GABRG3: variants seen among roughly 807,000 people sequenced by gnomAD.
GABRG3 encodes gamma-aminobutyric acid type A receptor subunit gamma3, also known as gamma-aminobutyric acid receptor subunit gamma-3.
Under a neutral mutation model 48.8 loss-of-function variants are expected in GABRG3, and 25 were observed. The observed-to-expected ratio is 0.51, with a 90% CI of 0.37 to 0.72. GABRG3 has a LOEUF of 0.72. GABRG3 is among the 30% of genes least tolerant of loss of function. The pLI, the probability that GABRG3 is intolerant of heterozygous loss-of-function variation, is 0.00. For missense variants in GABRG3, 394 were observed against 577.9 expected (o/e 0.68, Z 3.26); for synonymous variants, 227 against 217.6 (o/e 1.04, Z -0.38).
At chr15:27,286,135 A>T (rs1891603647) in intron 3 of GABRG3, among the ~76,000 whole-genome samples, 1 of 152,208 alleles carries the variant, frequency 6.6e-6, no homozygotes, top group Non-Finnish European at 1.5e-5. Context: ...TTCAACTTTC[A>T]TTCACTCATC....
chr15:27,383,186 G>T (rs1379245757), intron 5 of GABRG3, among the ~76,000 whole-genome samples: 2 of 152,162 alleles, frequency 1.3e-5, no homozygotes. Flanking sequence ...CTGTCTTTAA[G>T]ATCTTTCTTA....
At chr15:27,155,915 T>A (rs1898411697) in intron 3 of GABRG3, among the ~76,000 whole-genome samples, 1 of 152,120 alleles carries the variant, frequency 6.6e-6, no homozygotes, top group African/African-American at 2.4e-5. Context: ...AGGGTAGAAT[T>A]CAGGGCTCCT....
chr15:26,991,014 A>G (rs1490077369), intron 2 of GABRG3, among the ~76,000 whole-genome samples: 1 of 152,026 alleles, frequency 6.6e-6, no homozygotes, highest in East Asian at 1.9e-4. Context: ...CATGTTGGCC[A>G]AGCTGTTCTT....
intron 5 of GABRG3, among the ~76,000 whole-genome samples, chr15:27,387,803 AGGAG>A (rs369144529): frequency 0.037 from 3,310 of 88,332 alleles, 454 homozygotes; most frequent in African/African-American, 0.17. Context: ...CTGAGAAAGA[AGGAG>A]GGAGGGAGGG....
Position 27,422,998 on chromosome 15 carries a change from A to G in GABRG3, c.575-57652A>G, listed in dbSNP as rs892413435. The stretch of plus-strand genomic sequence containing the variant: ...CACACAGGAGTGCTTTCTCTCTTGC[A>G]TGAGTTAAATGTCTCTGCTCAGGGA... On this transcript the variant is annotated intron_variant, in intron 5 of 9. Transcript: ENST00000615808. 8.5e-5 allele frequency among the ~76,000 whole-genome samples: 13 copies of G among 152,094 alleles called. 1 individual carries two copies. The highest frequency in any genetic ancestry group is 2.9e-4 in the African/African-American group (12 of 41,412).
At chr15:27,279,378 A>G (rs1295616020) in intron 3 of GABRG3, among the ~76,000 whole-genome samples, 1 of 152,172 alleles carries the variant, frequency 6.6e-6, no homozygotes, top group African/African-American at 2.4e-5. Context: ...TTTTCTTCTC[A>G]AAGTTTCATA....
At chr15:27,442,160 C>T (rs1888807004) in intron 5 of GABRG3, among the ~76,000 whole-genome samples, 1 of 152,166 alleles carries the variant, frequency 6.6e-6, no homozygotes, top group Non-Finnish European at 1.5e-5. Flanking sequence ...AGCAAGTCCA[C>T]ACCCAGCCTT....
At chr15:27,143,773 T>C (rs915583353) in intron 3 of GABRG3, among the ~76,000 whole-genome samples, 1 of 152,222 alleles carries the variant, frequency 6.6e-6, no homozygotes, top group African/African-American at 2.4e-5. Flanking sequence ...AAGTAACAAC[T>C]TGGATTGCTA....
At chr15:27,318,054 G>A (rs1893292696) in intron 3 of GABRG3, among the ~76,000 whole-genome samples, 1 of 152,142 alleles carries the variant, frequency 6.6e-6, no homozygotes, top group South Asian at 2.1e-4. Flanking sequence ...CCGTGCTCCT[G>A]TAACGCAGCT....
rs1894831221 is a variant in GABRG3, at chr15:26,971,230, C to G, written c.-306C>G. 6.6e-6 allele frequency: 1 copy of G among 151,480 alleles called. No homozygotes were observed. The highest frequency in any genetic ancestry group is 2.4e-5 in the African/African-American group (1 of 41,326). 9.4% of individuals were successfully genotyped at this position (151,480 alleles called of 1,614,324 possible). ...GGGCACCCGCGCCCGCTCGCGGCTC[C>G]AGGCGGGGTGGGCGGCGCCGCGCCA... is the stretch of plus-strand genomic sequence containing the variant. On this transcript the variant is annotated 5_prime_UTR_variant, in exon 1 of 10. Coordinates refer to ENST00000615808, the MANE Select transcript of GABRG3 (RefSeq NM_033223.5).
chr15:27,184,212 A>G (rs984497877), intron 3 of GABRG3, among the ~76,000 whole-genome samples: 5 of 152,232 alleles, frequency 3.3e-5, no homozygotes, highest in African/African-American at 7.2e-5. Flanking sequence ...GAAACTAATG[A>G]TAGATCAAGG....
At chr15:27,119,778 C>T (rs1897700997) in intron 3 of GABRG3, among the ~76,000 whole-genome samples, 3 of 152,236 alleles carry the variant, frequency 2.0e-5, no homozygotes, top group African/African-American at 7.2e-5. Context: ...CCACTGCTCT[C>T]AGCTCCCAGA....
At chr15:27,483,373 C>T (rs1026286814) in intron 6 of GABRG3, 1 of 152,208 alleles carries the variant, frequency 6.6e-6, no homozygotes, top group Non-Finnish European at 1.5e-5. Context: ...TCTGCATTTC[C>T]TCTTTCTATA....
At chr15:27,316,738 C>T (rs1893243672) in intron 3 of GABRG3, among the ~76,000 whole-genome samples, 1 of 152,118 alleles carries the variant, frequency 6.6e-6, no homozygotes, top group African/African-American at 2.4e-5. Flanking sequence ...TCTGTCAAGG[C>T]TATGGCTGTG....
intron 3 of GABRG3, among the ~76,000 whole-genome samples, chr15:27,031,554 G>A (rs1896087521): frequency 6.6e-6 from 1 of 152,128 alleles, no homozygotes; most frequent in East Asian, 1.9e-4. Context: ...AGAAATTGAT[G>A]GGATGGCTCT....
intron 5 of GABRG3, among the ~76,000 whole-genome samples, chr15:27,404,073 T>C (rs1359999348): frequency 6.6e-6 from 1 of 151,764 alleles, no homozygotes; most frequent in Non-Finnish European, 1.5e-5. Flanking sequence ...TATGAAAAAT[T>C]AGCCACGTGT....
intron 3 of GABRG3, among the ~76,000 whole-genome samples, chr15:27,055,337 G>A (rs567509175): frequency 6.6e-6 from 1 of 152,160 alleles, no homozygotes; most frequent in African/African-American, 2.4e-5. Context: ...TGTAACTCGG[G>A]GAAATTAGTT....
At chr15:27,318,105 C>G (rs1305895236) in intron 3 of GABRG3, among the ~76,000 whole-genome samples, 1 of 152,152 alleles carries the variant, frequency 6.6e-6, no homozygotes, top group Non-Finnish European at 1.5e-5. Context: ...AAACCAGCCC[C>G]ATTCTAATGC....
intron 3 of GABRG3, among the ~76,000 whole-genome samples, chr15:27,311,122 C>G (rs777404010): frequency 2.0e-5 from 3 of 152,126 alleles, no homozygotes; most frequent in African/African-American, 7.2e-5. Context: ...GAATAGGAAG[C>G]CCTGGACCTT....
Sources: allele counts gnomAD v4.1 joint callset (sites outside exome capture counted in the v4.1 genomes callset), GRCh38; gene constraint gnomAD v4.1.1; transcripts MANE v1.5; gene names NCBI Gene and HGNC (gene_info 2026-07-23, HGNC 2026-07-21).